GALNT13: variants seen among roughly 807,000 people sequenced by gnomAD.
GALNT13 encodes UDP-GalNAc:polypeptide N-acetylgalactosaminyltransferase 13.
In GALNT13, 28 loss-of-function variants were observed where a neutral mutation model predicts 64.2. That is an observed-to-expected ratio of 0.44 (90% CI 0.32 to 0.60). The LOEUF is 0.60. Ranked by LOEUF, GALNT13 falls within the 20% of genes least tolerant of loss-of-function variation. The probability of loss-of-function intolerance (pLI) is 0.05; values close to 1 mark genes in which losing one functional copy is unlikely to be tolerated. For synonymous variants in GALNT13, 214 were observed against 224.6 expected (o/e 0.95, Z 0.42); for missense variants, 577 against 669.8 (o/e 0.86, Z 1.53).
At chr2:153,785,065 C>G in the GALNT13 span, among the ~76,000 whole-genome samples, 2 of 152,098 alleles carry the variant, frequency 1.3e-5, no homozygotes, top group Non-Finnish European at 2.9e-5. Flanking sequence ...TTCCAGCCAG[C>G]AGCAGTTCCA....
chr2:153,834,059 A>G, the GALNT13 span, among the ~76,000 whole-genome samples: 2 of 152,120 alleles, frequency 1.3e-5, no homozygotes, highest in African/African-American at 4.8e-5. Context: ...TTTTTATCAT[A>G]TTAAATTGAA....
the GALNT13 span, among the ~76,000 whole-genome samples, chr2:153,778,377 GGGT>G: frequency 6.6e-6 from 1 of 152,290 alleles, no homozygotes; most frequent in East Asian, 1.9e-4. Context: ...CACAGGCCTG[GGGT>G]GGAGCCCTAG....
intron 3 of GALNT13, among the ~76,000 whole-genome samples, chr2:154,036,727 G>A (rs920790953): frequency 1.3e-5 from 2 of 151,820 alleles, no homozygotes; most frequent in Non-Finnish European, 2.9e-5. Context: ...ACAAATATCT[G>A]CCCTCTAATC....
the GALNT13 span, among the ~76,000 whole-genome samples, chr2:153,325,016 CCTT>C: frequency 1.3e-5 from 2 of 151,622 alleles, no homozygotes; most frequent in Non-Finnish European, 2.9e-5. Context: ...AGGAAGAAGT[CCTT>C]CTTTTTCTAT....
At chr2:153,186,484 G>T in the GALNT13 span, among the ~76,000 whole-genome samples, 6 of 151,932 alleles carry the variant, frequency 3.9e-5, no homozygotes, top group Non-Finnish European at 7.4e-5. Context: ...GTGTGAATTT[G>T]ATCCTGCCAT....
chr2:154,294,766 G>T (rs921391206), intron 8 of GALNT13, among the ~76,000 whole-genome samples: 1 of 152,162 alleles, frequency 6.6e-6, no homozygotes, highest in Non-Finnish European at 1.5e-5. Flanking sequence ...GTGATCTAAT[G>T]GAATTAAAGG....
chr2:154,328,494 C>A (rs548468792), intron 9 of GALNT13, among the ~76,000 whole-genome samples: 2 of 151,978 alleles, frequency 1.3e-5, no homozygotes, highest in Non-Finnish European at 2.9e-5. Flanking sequence ...CTGCTGTGAT[C>A]ATTATTTTTC....
chr2:153,639,598 G>GT, the GALNT13 span, among the ~76,000 whole-genome samples: 1 of 152,126 alleles, frequency 6.6e-6, no homozygotes, highest in Non-Finnish European at 1.5e-5. Context: ...AGAGTCAAAG[G>GT]TAGGATAATG....
chr2:153,190,929 C>A, the GALNT13 span, among the ~76,000 whole-genome samples: 1 of 152,032 alleles, frequency 6.6e-6, no homozygotes, highest in East Asian at 1.9e-4. Context: ...GATTTTGTAT[C>A]TGAAACTTTG....
the GALNT13 span, among the ~76,000 whole-genome samples, chr2:153,259,235 A>G: frequency 1.1e-4 from 16 of 152,272 alleles, 1 homozygote; most frequent in Admixed American, 9.2e-4. Context: ...TGAAATAAGT[A>G]TAGCTTCTCT....
the GALNT13 span, among the ~76,000 whole-genome samples, chr2:153,608,725 T>C: frequency 3.4e-5 from 5 of 147,734 alleles, no homozygotes; most frequent in African/African-American, 9.8e-5. Context: ...TGTAAATATA[T>C]GTATAACTTA....
the GALNT13 span, among the ~76,000 whole-genome samples, chr2:153,842,643 C>A: frequency 6.6e-6 from 1 of 151,822 alleles, no homozygotes; most frequent in African/African-American, 2.4e-5. Flanking sequence ...GTTTATCCTT[C>A]ATTTTTTAAA....
intron 3 of GALNT13, among the ~76,000 whole-genome samples, chr2:154,100,404 T>G (rs546838538): frequency 4.6e-4 from 70 of 152,302 alleles, no homozygotes; most frequent in Non-Finnish European, 3.1e-4. Flanking sequence ...GTAGTTCTCC[T>G]TGTAGAGATT....
At chr2:153,490,519 G>A in the GALNT13 span, among the ~76,000 whole-genome samples, 2 of 152,098 alleles carry the variant, frequency 1.3e-5, no homozygotes, top group Non-Finnish European at 2.9e-5. Flanking sequence ...AGCTGGGACT[G>A]CAGGCATGCA....
At chr2:153,660,402 G>A in the GALNT13 span, among the ~76,000 whole-genome samples, 3 of 151,944 alleles carry the variant, frequency 2.0e-5, no homozygotes, top group Non-Finnish European at 2.9e-5. Flanking sequence ...TGGAACTTAC[G>A]TGAAATATAA....
the GALNT13 span, among the ~76,000 whole-genome samples, chr2:153,646,490 T>C: frequency 6.6e-6 from 1 of 151,370 alleles, no homozygotes; most frequent in Admixed American, 6.6e-5. Flanking sequence ...TACTTTAAGT[T>C]CTAGGGTACA....
intron 8 of GALNT13, among the ~76,000 whole-genome samples, chr2:154,264,174 C>G (rs868179370): frequency 2.6e-5 from 4 of 152,192 alleles, no homozygotes; most frequent in Middle Eastern, 6.8e-3. Flanking sequence ...GGAAACAATC[C>G]AAGTCTGAGG....
the GALNT13 span, among the ~76,000 whole-genome samples, chr2:153,640,853 T>G: frequency 6.6e-6 from 1 of 152,122 alleles, no homozygotes; most frequent in Non-Finnish European, 1.5e-5. Context: ...AGAAGAATAA[T>G]GTTAGCTTAA....
the GALNT13 span, among the ~76,000 whole-genome samples, chr2:153,675,920 T>A: frequency 6.6e-6 from 1 of 151,932 alleles, no homozygotes; most frequent in African/African-American, 2.4e-5. Context: ...GTTAGAAAGA[T>A]CTCATATTAA....
Sources: allele counts gnomAD v4.1 joint callset (sites outside exome capture counted in the v4.1 genomes callset), GRCh38; gene constraint gnomAD v4.1.1; transcripts MANE v1.5; gene names NCBI Gene and HGNC (gene_info 2026-07-23, HGNC 2026-07-21).